KCNQ1: variants seen among roughly 807,000 people sequenced by gnomAD.
KCNQ1 encodes the protein potassium voltage-gated channel subfamily Q member 1.
A neutral mutation model predicts 72.4 loss-of-function variants in KCNQ1; 49 were observed. The ratio of observed to expected loss-of-function variants is 0.68; its 90% CI spans 0.54 to 0.86. The LOEUF is 0.86. KCNQ1 is among the 40% of genes least tolerant of loss of function. The pLI is 0.00. For synonymous variants in KCNQ1, 450 were observed against 412.6 expected (o/e 1.09, Z -1.10); for missense variants, 790 against 945.1 (o/e 0.84, Z 2.15).
At position 2,615,372 on chromosome 11, in the gene KCNQ1, A is replaced by G. The variant is rs1372556267; in HGVS notation, c.1393+26518A>G. 7.0e-5 allele frequency: 28 copies of G among 397,934 alleles called. No individual in the cohort carries two copies. The Admixed American group carries it at 1.2e-3, about 18-fold the overall frequency. The allele number at this position is 397,934 out of a possible 1,614,324, so 24.7% of individuals were successfully genotyped here. On this transcript the variant is annotated intron_variant, in intron 10 of 15. Coordinates refer to ENST00000155840, the MANE Select transcript of KCNQ1 (RefSeq NM_000218.3). Reference sequence around the variant, plus strand: ...TTTTACTGCTTCCTTTCCAATTTGGATGCTATTCATTTACCTGTTTGTTTA... The same window carrying G: ...TTTTACTGCTTCCTTTCCAATTTGGGTGCTATTCATTTACCTGTTTGTTTA...
Position 2,564,380 on chromosome 11 carries a change from G to A in KCNQ1, c.478-6248G>A, listed in dbSNP as rs904112596. On this transcript the variant is annotated intron_variant, in intron 2 of 15. Transcript: ENST00000155840. The surrounding 1 kb of genome is among the most constrained non-coding windows in gnomAD (Gnocchi z 4.5). The stretch of plus-strand genomic sequence containing the variant: ...AGGCTGAGGCGGGCGGATCACCTGA[G>A]GTCAGGAGTTTGAGACCAGCCTGGC... Among the ~76,000 whole-genome samples the A allele has an allele frequency of 7.2e-5, 11 of 152,156 alleles. No individual in the cohort carries two copies. The highest frequency in any genetic ancestry group is 1.5e-4 in the Non-Finnish European group (10 of 68,024).
rs185270006 is a variant in KCNQ1 at position 2,595,829 on chromosome 11, G to A, written c.1393+6975G>A. Reference sequence around the variant, plus strand: ...TAAGGCTATAGCGGCCATAGATAGCGATTGCTTTGATGAATCTGGGCAAAG... The same window carrying A: ...TAAGGCTATAGCGGCCATAGATAGCAATTGCTTTGATGAATCTGGGCAAAG... On this transcript the variant is annotated intron_variant, in intron 10 of 15. Transcript: ENST00000155840. The surrounding 1 kb of genome is among the most constrained non-coding windows in gnomAD (Gnocchi z 5.0). Among the ~76,000 whole-genome samples, 17 of 152,298 alleles carry A rather than the reference G, an allele frequency of 1.1e-4. No individual in the cohort carries two copies. The highest frequency in any genetic ancestry group is 2.6e-4 in the Admixed American group (4 of 15,294).
Position 2,608,201 on chromosome 11 carries a change from A to G in KCNQ1, c.1393+19347A>G, listed in dbSNP as rs987017390. The stretch of plus-strand genomic sequence containing the variant: ...TTGGAAGAGGTCATAAAGAATTGAT[A>G]TTCTTTAGATATTTGTTAGATTCAC... On this transcript the variant is annotated intron_variant, in intron 10 of 15. Coordinates refer to ENST00000155840, the MANE Select transcript of KCNQ1 (RefSeq NM_000218.3). The surrounding 1 kb of genome is among the most constrained non-coding windows in gnomAD (Gnocchi z 4.6). 2.6e-5 allele frequency: 10 copies of G among 391,124 alleles called. No homozygotes were observed. The highest frequency in any genetic ancestry group is 2.1e-4 in the African/African-American group (10 of 48,430). 24.2% of individuals were successfully genotyped at this position (391,124 alleles called of 1,614,324 possible). A position where few individuals can be genotyped will look rare whatever the true frequency, so the allele number is the denominator to read the frequency against.
Position 2,824,547 on chromosome 11 carries a change from G to A in KCNQ1, c.1795-23220G>A, listed in dbSNP as rs899984752. Among the ~76,000 whole-genome samples the A allele has an allele frequency of 6.6e-6, 1 of 152,172 alleles. No homozygotes were observed. The highest frequency in any genetic ancestry group is 1.5e-5 in the Non-Finnish European group (1 of 68,038). On this transcript the variant is annotated intron_variant, in intron 15 of 15. Transcript: ENST00000155840. This position sits in a 1 kb window ranked among gnomAD's most constrained non-coding sequence, Gnocchi z 5.9. ...TTTAGGCTGCAAGGCTCAGCAGGGA[G>A]ATTGGAGCTGAAAACAGAGGCTGCA...
chr11:2,609,669 C>T, intron 10 of KCNQ1: 1 of 398,360 alleles, frequency 2.5e-6, no homozygotes, highest in Non-Finnish European at 4.4e-6. Context: ...CTGTTCAGTT[C>T]TGTCAGTTTT....
chr11:2,648,589 C>A, intron 10 of KCNQ1: 1 of 398,428 alleles, frequency 2.5e-6, no homozygotes, highest in Non-Finnish European at 4.4e-6. Flanking sequence ...TTCAGAAGTT[C>A]CTCTTGTTAT....
intron 10 of KCNQ1, among the ~76,000 whole-genome samples, chr11:2,604,838 T>C (rs922208487): frequency 2.0e-5 from 3 of 152,198 alleles, no homozygotes; most frequent in African/African-American, 7.2e-5. Context: ...CCACAGCACC[T>C]GGCCGATAAC....
At chr11:2,688,511 T>C (rs2283188) in intron 11 of KCNQ1, 5,756 of 398,598 alleles carry the variant, frequency 0.014, 203 homozygotes, top group East Asian at 0.096. Context: ...GGTGATGAGG[T>C]AGAGGTCACA....
Position 2,678,874 on chromosome 11 carries a change from T to A in KCNQ1, c.1514+16793T>A. 2.5e-6 allele frequency: 1 copy of A among 398,608 alleles called. No individual in the cohort carries two copies. Among genetic ancestry groups the A allele is most frequent in the Non-Finnish European group, 4.4e-6 (1 of 226,074 alleles). 24.7% of individuals were successfully genotyped at this position (398,608 alleles called of 1,614,324 possible). ...TCGGGGGTGCACAGGAGTTGCCAGC[T>A]GGACCCAAGGACCATTTCGTATACA... On this transcript the variant is annotated intron_variant, in intron 11 of 15. Coordinates refer to ENST00000155840, the MANE Select transcript of KCNQ1 (RefSeq NM_000218.3). The surrounding 1 kb of genome is among the most constrained non-coding windows in gnomAD (Gnocchi z 4.9).
At chr11:2,540,612 G>A (rs989007032) in intron 2 of KCNQ1, among the ~76,000 whole-genome samples, 1 of 152,266 alleles carries the variant, frequency 6.6e-6, no homozygotes, top group Non-Finnish European at 1.5e-5. Context: ...CTCAGGAGGA[G>A]TGGATGTTCC....
At position 2,544,292 on chromosome 11, in the gene KCNQ1, A is replaced by G. The variant is rs200035703; in HGVS notation, c.477+16274A>G. Reference sequence around the variant, plus strand: ...TGTGTATATATATGTGTATATATATATGTATATATGTGTATATATGTATAT... The same window carrying G: ...TGTGTATATATATGTGTATATATATGTGTATATATGTGTATATATGTATAT... On this transcript the variant is annotated intron_variant, in intron 2 of 15. Coordinates refer to ENST00000155840, the MANE Select transcript of KCNQ1 (RefSeq NM_000218.3). The surrounding 1 kb of genome is among the most constrained non-coding windows in gnomAD (Gnocchi z 4.4). 0.026 allele frequency among the ~76,000 whole-genome samples: 3,612 copies of G among 137,522 alleles called. 85 individuals are homozygous for G. The highest frequency in any genetic ancestry group is 0.049 in the Admixed American group (687 of 14,110). 90.2% of individuals were successfully genotyped at this position (137,522 alleles called of 152,430 possible).
Position 2,654,942 on chromosome 11 carries a change from C to T in KCNQ1, c.1394-7019C>T, listed in dbSNP as rs866973428. 9 of 398,392 alleles carry T rather than the reference C, an allele frequency of 2.3e-5. No homozygotes were observed. Among genetic ancestry groups the T allele is most frequent in the Non-Finnish European group, 3.5e-5 (8 of 226,058 alleles). The allele number at this position is 398,392 out of a possible 1,614,324, so 24.7% of individuals were successfully genotyped here. On this transcript the variant is annotated intron_variant, in intron 10 of 15. Coordinates refer to ENST00000155840, the MANE Select transcript of KCNQ1 (RefSeq NM_000218.3). The surrounding 1 kb of genome is among the most constrained non-coding windows in gnomAD (Gnocchi z 6.4). Reference sequence around the variant, plus strand: ...AGCAAGGCACAGATACAGGAGACTTCCACAAATTATTGTTTCTTGACTTGG... The same window carrying T: ...AGCAAGGCACAGATACAGGAGACTTTCACAAATTATTGTTTCTTGACTTGG...
chr11:2,832,312 G>A lies in KCNQ1; in HGVS notation c.1795-15455G>A, dbSNP rs115943424. Among the ~76,000 whole-genome samples the A allele has an allele frequency of 6.6e-3, 1,008 of 152,334 alleles. 13 individuals are homozygous for A. The highest frequency in any genetic ancestry group is 0.023 in the African/African-American group (948 of 41,570). ...GCTGAACTAGATGAGGGACTTGAAG[G>A]CTCAGATGCCTGTGCGGGACCTGGC... On this transcript the variant is annotated intron_variant, in intron 15 of 15. Coordinates refer to ENST00000155840, the MANE Select transcript of KCNQ1 (RefSeq NM_000218.3).
Position 2,542,368 on chromosome 11 carries a change from C to T in KCNQ1, c.477+14350C>T, listed in dbSNP as rs540572960. ...TAAGGGGCCCCGTGCCCACCAAAGGCGCGCTAATTGCGAAGGAGGGGCCTC... is the reference window on the plus strand; with the variant it reads ...TAAGGGGCCCCGTGCCCACCAAAGGTGCGCTAATTGCGAAGGAGGGGCCTC... On this transcript the variant is annotated intron_variant, in intron 2 of 15. Coordinates refer to ENST00000155840, the MANE Select transcript of KCNQ1 (RefSeq NM_000218.3). Among the ~76,000 whole-genome samples the T allele has an allele frequency of 5.8e-4, 89 of 152,368 alleles. 3 individuals are homozygous for T. The South Asian group carries it at 0.012, about 20-fold the overall frequency.
At chr11:2,846,189 T>A (rs1224702051) in intron 15 of KCNQ1, among the ~76,000 whole-genome samples, 1 of 152,044 alleles carries the variant, frequency 6.6e-6, no homozygotes, top group Non-Finnish European at 1.5e-5. Context: ...ACCCCTGGAG[T>A]GCACGGCCAG....
intron 1 of KCNQ1, among the ~76,000 whole-genome samples, chr11:2,465,002 G>C (rs1340710728): frequency 6.6e-6 from 1 of 152,178 alleles, no homozygotes; most frequent in Non-Finnish European, 1.5e-5. Flanking sequence ...CGTGGGTGCA[G>C]GCCATGGGCT....
chr11:2,608,162 C>T lies in KCNQ1; in HGVS notation c.1393+19308C>T, dbSNP rs1214307663. ...GTATTGGAAAAATTTTCCTTCTCTTCTATTTTTTTGTTGTTGGAAGAGGTC... is the reference window on the plus strand; with the variant it reads ...GTATTGGAAAAATTTTCCTTCTCTTTTATTTTTTTGTTGTTGGAAGAGGTC... On this transcript the variant is annotated intron_variant, in intron 10 of 15. Coordinates refer to ENST00000155840, the MANE Select transcript of KCNQ1 (RefSeq NM_000218.3). The surrounding 1 kb of genome is among the most constrained non-coding windows in gnomAD (Gnocchi z 4.6). Among the ~76,000 whole-genome samples, 1 of 152,066 alleles carries T rather than the reference C, an allele frequency of 6.6e-6. No homozygotes were observed. Among genetic ancestry groups the T allele is most frequent in the Non-Finnish European group, 1.5e-5 (1 of 67,976 alleles).
At chr11:2,641,325 T>C (rs992502314) in intron 10 of KCNQ1, 2 of 398,358 alleles carry the variant, frequency 5.0e-6, no homozygotes, top group African/African-American at 4.1e-5. Context: ...GGTTAATTTT[T>C]GTCTTTTTAA....
chr11:2,813,665 T>G lies in KCNQ1; in HGVS notation c.1795-34102T>G, dbSNP rs1847540334. Among the ~76,000 whole-genome samples the G allele has an allele frequency of 6.6e-6, 1 of 151,852 alleles. No homozygotes were observed. The highest frequency in any genetic ancestry group is 1.5e-5 in the Non-Finnish European group (1 of 67,978). ...TCGGCTGATCCTGGTCTATTTTTAG[T>G]CGGTGGTGGGCTGTCACTCCGGAGG... On this transcript the variant is annotated intron_variant, in intron 15 of 15. Coordinates refer to ENST00000155840, the MANE Select transcript of KCNQ1 (RefSeq NM_000218.3). This position sits in a 1 kb window ranked among gnomAD's most constrained non-coding sequence, Gnocchi z 4.4.
Sources: allele counts gnomAD v4.1 joint callset (sites outside exome capture counted in the v4.1 genomes callset), GRCh38; gene constraint gnomAD v4.1.1; non-coding constraint Gnocchi (gnomAD v3.1); transcripts MANE v1.5; gene names NCBI Gene and HGNC (gene_info 2026-07-23, HGNC 2026-07-21).